The following VWCE variants were observed in gnomAD, a reference collection of about 807,000 sequenced individuals.
VWCE encodes von Willebrand factor C and EGF domain-containing protein.
Under a neutral mutation model 102.9 loss-of-function variants are expected in VWCE, and 68 were observed. That is an observed-to-expected ratio of 0.66 (90% CI 0.54 to 0.81). The LOEUF (loss-of-function observed/expected upper bound fraction) is 0.81. VWCE is among the 30% of genes least tolerant of loss of function. The pLI, the probability that VWCE is intolerant of heterozygous loss-of-function variation, is 0.00. For missense variants in VWCE, 1,137 were observed against 1,263.6 expected, an observed-to-expected ratio of 0.90 and a Z score of 1.52; for synonymous variants, 497 against 515.4, an observed-to-expected ratio of 0.96 and a Z score of 0.48.
Position 61,259,091 on chromosome 11 carries a change from C to T in VWCE, c.2452G>A (p.Ala818Thr), listed in dbSNP as rs749427323. The T allele has an allele frequency of 3.7e-6, 6 of 1,614,066 alleles. No homozygotes were observed. Residue 818 changes from alanine to threonine, a missense_variant, in exon 20 of 20, where the codon GCA (alanine) becomes ACA (threonine). By Grantham distance (58) the Ala-to-Thr change is moderately conservative. Around this residue, in one of 5 missense-constraint regions of VWCE, gnomAD observed 316 missense variants for 319.3 expected, o/e 0.99. Coordinates refer to ENST00000335613, the MANE Select transcript of VWCE (RefSeq NM_152718.2). ...AGTGAGTGTGGACCATGAGCTCCTG[C>T]CGGGCTTGTAGGTAAAGTCTGTGTT... The part of the protein sequence containing the change: ...MKTQTLPTSP[A>T]GAHGPHSLAL...
chr11:61,261,559 T>G (rs775786146), intron 19 of VWCE, among the ~76,000 whole-genome samples: 10 of 149,338 alleles, frequency 6.7e-5, no homozygotes, highest in Non-Finnish European at 3.0e-5. Flanking sequence ...CTGGGCAACA[T>G]AGCAAGACCT....
intron 13 of VWCE, 92 bp from the exon 14 acceptor site, chr11:61,271,852 G>C (rs911058789): frequency 1.8e-6 from 2 of 1,091,874 alleles, no homozygotes; most frequent in Non-Finnish European, 2.7e-6. Context: ...AACACACACA[G>C]ACACCGATAT....
intron 19 of VWCE, among the ~76,000 whole-genome samples, chr11:61,263,511 A>T (rs1854418162): frequency 6.6e-6 from 1 of 152,138 alleles, no homozygotes; most frequent in South Asian, 2.1e-4. Flanking sequence ...TGGGGAGATG[A>T]TTGTCAAAGG....
chr11:61,278,285 C>T (rs1675020410), intron 10 of VWCE, 109 bp downstream of exon 10: 2 of 1,181,622 alleles, frequency 1.7e-6, no homozygotes, highest in African/African-American at 1.5e-5. Context: ...GAGAATGTTC[C>T]CTTCCACTCA....
chr11:61,288,961 C>T (rs1189548170), intron 4 of VWCE, among the ~76,000 whole-genome samples: 1 of 151,744 alleles, frequency 6.6e-6, no homozygotes, highest in Non-Finnish European at 1.5e-5. Flanking sequence ...GCCTCAGCCT[C>T]CTGAGTAGCT....
Position 61,281,057 on chromosome 11 carries a change from G to A in VWCE, c.966C>T (p.Thr322=). Residue 322 remains threonine, a synonymous_variant, in exon 8 of 20, where the codon ACC becomes ACT. Coordinates refer to ENST00000335613, the MANE Select transcript of VWCE (RefSeq NM_152718.2). Reference sequence around the variant, plus strand: ...AAGGGGAGGATGTGGGTAGTCGTGGGGTGGGAGATGGCAGGCGGGTGGTCC... The same window carrying A: ...AAGGGGAGGATGTGGGTAGTCGTGGAGTGGGAGATGGCAGGCGGGTGGTCC... The part of the protein sequence containing the change: ...GVRTTRLPSP[T]PRLPTSSPSA... 2 of 1,599,384 alleles carry A rather than the reference G, an allele frequency of 1.3e-6. No individual in the cohort carries two copies. Among genetic ancestry groups the A allele is most frequent in the Non-Finnish European group, 1.7e-6 (2 of 1,172,352 alleles).
chr11:61,279,775 G>A (rs1160788582), intron 9 of VWCE, among the ~76,000 whole-genome samples: 2 of 151,962 alleles, frequency 1.3e-5, no homozygotes, highest in African/African-American at 4.8e-5. Context: ...GCCCAGGCTG[G>A]AGTGCAGTGG....
intron 4 of VWCE, 94 bp from the exon 5 acceptor site, chr11:61,286,524 C>A (rs945767457): frequency 8.3e-7 from 1 of 1,204,358 alleles, no homozygotes; most frequent in Non-Finnish European, 1.2e-6. Context: ...CCTTGCAGGC[C>A]GGGCATGGTG....
chr11:61,285,281 C>T (rs946768414), intron 5 of VWCE, among the ~76,000 whole-genome samples: 5 of 152,092 alleles, frequency 3.3e-5, no homozygotes, highest in African/African-American at 1.2e-4. Flanking sequence ...AAATGTCAAA[C>T]ATAAAGAAAA....
At position 61,291,441 on chromosome 11, in the gene VWCE, T is replaced by C. The variant is rs1158459073; in HGVS notation, c.205+41A>G. 1.9e-6 allele frequency: 3 copies of C among 1,563,666 alleles called. No homozygotes were observed. In the African/African-American group the frequency reaches 4.1e-5, roughly 21 times the overall value. On this transcript the variant is annotated intron_variant, in intron 2 of 19. Coordinates refer to ENST00000335613, the MANE Select transcript of VWCE (RefSeq NM_152718.2). The stretch of plus-strand genomic sequence containing the variant: ...GGGACTGAGGGCTGGCAACACACAC[T>C]GCTGGAGGAGAAGACTTGGGGCACA...
intron 9 of VWCE, among the ~76,000 whole-genome samples, chr11:61,279,253 G>A (rs1202138208): frequency 6.6e-6 from 1 of 152,014 alleles, no homozygotes; most frequent in Non-Finnish European, 1.5e-5. Flanking sequence ...AGCGTGTTGC[G>A]GGGACATAGC....
chr11:61,277,845 C>CA (rs1854973722), intron 10 of VWCE, among the ~76,000 whole-genome samples: 1 of 146,944 alleles, frequency 6.8e-6, no homozygotes. Flanking sequence ...TCAGCATTTT[C>CA]TTTTTTTTTT....
At position 61,294,249 on chromosome 11, in the gene VWCE, G is replaced by A. The variant is rs192781746; in HGVS notation, c.110+679C>T. On this transcript the variant is annotated intron_variant, in intron 1 of 19. Transcript: ENST00000335613. This position sits in a 1 kb window ranked among gnomAD's most constrained non-coding sequence, Gnocchi z 6.3. ...ACACGTGTGAGCTACAAGCCTGGCC[G>A]GGCCGCCCCCGCTGCGCGCCCCCCG... 5.3e-4 allele frequency among the ~76,000 whole-genome samples: 80 copies of A among 152,262 alleles called. No individual in the cohort carries two copies. Among genetic ancestry groups the A allele is most frequent in the Non-Finnish European group, 5.3e-4 (36 of 67,990 alleles).
At chr11:61,291,793 C>T (rs1383494962) in intron 1 of VWCE, among the ~76,000 whole-genome samples, 2 of 152,230 alleles carry the variant, frequency 1.3e-5, no homozygotes, top group Admixed American at 6.5e-5. Flanking sequence ...TGGCCTCCTA[C>T]AGATATCTGC....
chr11:61,262,289 T>C (rs1042261872), intron 19 of VWCE, among the ~76,000 whole-genome samples: 3 of 151,892 alleles, frequency 2.0e-5, no homozygotes, highest in Non-Finnish European at 2.9e-5. Context: ...TTTCCCCAGG[T>C]GGAGGTAGGA....
intron 19 of VWCE, among the ~76,000 whole-genome samples, chr11:61,261,804 CA>C (rs34361479): frequency 7.7e-3 from 899 of 116,408 alleles, no homozygotes; most frequent in African/African-American, 8.3e-3. Context: ...GACCCTGTCT[CA>C]AAAAAAAAAA....
chr11:61,269,164 C>T lies in VWCE; in HGVS notation c.1786-146G>A, dbSNP rs1854598537. On this transcript the variant is annotated intron_variant, in intron 14 of 19. Transcript: ENST00000335613. The stretch of plus-strand genomic sequence containing the variant: ...CGCGGCTGGAAGATGGCAGGTCTCC[C>T]CTAAAGAGGATCGGCTACTTGAGAA... The T allele has an allele frequency of 4.4e-6, 3 of 679,212 alleles. No individual in the cohort carries two copies. The South Asian group carries it at 5.3e-5, about 12-fold the overall frequency. 42.1% of individuals were successfully genotyped at this position (679,212 alleles called of 1,614,324 possible).
Position 61,274,575 on chromosome 11 carries a change from T to C in VWCE, c.1505A>G (p.Tyr502Cys), listed in dbSNP as rs1854846309. The change falls in exon 12 of 20, where the codon TAT becomes TGT. Residue 502 changes from tyrosine to cysteine, a missense_variant. Coordinates refer to ENST00000335613, the MANE Select transcript of VWCE (RefSeq NM_152718.2). Reference sequence around the variant, plus strand: ...GTCTGCGTACCACCGGCCGTGGAAATAGCATCTCACTGCAGAGGAGAAAGG... The same window carrying C: ...GTCTGCGTACCACCGGCCGTGGAAACAGCATCTCACTGCAGAGGAGAAAGG... ...DCCTCVPVRC[Y>C]FHGRWYADGA... The C allele has an allele frequency of 6.8e-6, 11 of 1,613,584 alleles. No homozygotes were observed. Among genetic ancestry groups the C allele is most frequent in the Non-Finnish European group, 9.3e-6 (11 of 1,179,848 alleles).
chr11:61,265,352 CA>C (rs1310481941), intron 16 of VWCE, 140 bp from the exon 17 acceptor site: 3 of 708,252 alleles, frequency 4.2e-6, no homozygotes, highest in African/African-American at 1.8e-5. Context: ...GGCAGTGGGG[CA>C]GGGGGCGCAT....
Sources: allele counts gnomAD v4.1 joint callset (sites outside exome capture counted in the v4.1 genomes callset), GRCh38; gene constraint gnomAD v4.1.1; regional missense constraint gnomAD v4.1.1; non-coding constraint Gnocchi (gnomAD v3.1); transcripts MANE v1.5; gene names NCBI Gene and HGNC (gene_info 2026-07-23, HGNC 2026-07-21).